The following KIRREL3 variants were observed in gnomAD, a reference collection of about 807,000 sequenced individuals.
KIRREL3 encodes kirre like nephrin family adhesion molecule 3.
KIRREL3 carries 36 observed loss-of-function variants against 89.7 expected under a neutral mutation model. That is an observed-to-expected ratio of 0.40 (90% CI 0.31 to 0.53). The LOEUF is 0.53. Ranked by LOEUF, KIRREL3 falls within the 20% of genes least tolerant of loss-of-function variation. The pLI is 0.49. For synonymous variants in KIRREL3, 445 were observed against 441.4 expected, an observed-to-expected ratio of 1.01 and a Z score of -0.10; for missense variants, 864 against 1,056.6, an observed-to-expected ratio of 0.82 and a Z score of 2.53.
intron 1 of KIRREL3, among the ~76,000 whole-genome samples, chr11:126,878,563 T>A (rs1201257415): frequency 6.6e-6 from 1 of 151,794 alleles, no homozygotes; most frequent in Non-Finnish European, 1.5e-5. Context: ...TTTAAAGCTC[T>A]CTACAAAAAA....
chr11:126,435,861 C>G (rs926191656), intron 12 of KIRREL3, among the ~76,000 whole-genome samples: 2 of 152,058 alleles, frequency 1.3e-5, no homozygotes, highest in African/African-American at 4.8e-5. Flanking sequence ...TGTCAGAGAT[C>G]GTCAGGACTG....
Position 126,564,583 on chromosome 11 carries a change from G to T in KIRREL3, c.56-1671C>A, listed in dbSNP as rs138010925. Among the ~76,000 whole-genome samples, 14 of 152,164 alleles carry T rather than the reference G, an allele frequency of 9.2e-5. No individual in the cohort carries two copies. Among genetic ancestry groups the T allele is most frequent in the African/African-American group, 2.4e-4 (10 of 41,442 alleles). On this transcript the variant is annotated intron_variant, in intron 1 of 16. Coordinates refer to ENST00000525144, the MANE Select transcript of KIRREL3 (RefSeq NM_032531.4). This position sits in a 1 kb window ranked among gnomAD's most constrained non-coding sequence, Gnocchi z 7.4. ...TGGCGTCTGAAGGCTTAGCCAAACC[G>T]CCCTCACTTCAAACGGTCTTACATC...
chr11:126,450,392 G>GT (rs1956005258), intron 7 of KIRREL3, among the ~76,000 whole-genome samples: 1 of 134,124 alleles, frequency 7.5e-6, no homozygotes, highest in Non-Finnish European at 1.6e-5. Flanking sequence ...TGTGAGTGTG[G>GT]GTATGTGTGA....
At position 126,750,800 on chromosome 11, in the gene KIRREL3, T is replaced by C. The variant is rs1285477265; in HGVS notation, c.56-187888A>G. ...AGCTAACAAATGGTAGTGCAAACGTTGGAACTCAGGTCCTCAGTGACTGAT... is the reference window on the plus strand; with the variant it reads ...AGCTAACAAATGGTAGTGCAAACGTCGGAACTCAGGTCCTCAGTGACTGAT... On this transcript the variant is annotated intron_variant, in intron 1 of 16. Transcript: ENST00000525144. The surrounding 1 kb of genome is among the most constrained non-coding windows in gnomAD (Gnocchi z 4.2). Among the ~76,000 whole-genome samples, 1 of 152,234 alleles carries C rather than the reference T, an allele frequency of 6.6e-6. No homozygotes were observed. Among genetic ancestry groups the C allele is most frequent in the Admixed American group, 6.5e-5 (1 of 15,288 alleles).
At chr11:126,444,852 C>T in intron 10 of KIRREL3, 127 bp downstream of exon 10, 1 of 1,265,738 alleles carries the variant, frequency 7.9e-7, no homozygotes, top group Non-Finnish European at 1.1e-6. Context: ...TTGTTGTCTA[C>T]CCATAGTTGG....
chr11:126,682,882 C>T lies in KIRREL3; in HGVS notation c.56-119970G>A, dbSNP rs977375820. Among the ~76,000 whole-genome samples, 15 of 152,122 alleles carry T rather than the reference C, an allele frequency of 9.9e-5. No individual in the cohort carries two copies. Among genetic ancestry groups the T allele is most frequent in the Non-Finnish European group, 1.6e-4 (11 of 68,026 alleles). On this transcript the variant is annotated intron_variant, in intron 1 of 16. Coordinates refer to ENST00000525144, the MANE Select transcript of KIRREL3 (RefSeq NM_032531.4). This position sits in a 1 kb window ranked among gnomAD's most constrained non-coding sequence, Gnocchi z 4.8. Reference sequence around the variant, plus strand: ...TACCCCGGGGCTGGGGATCCCTGTTCTATGAGGATAGAAAATCTGGTAAAG... The same window carrying T: ...TACCCCGGGGCTGGGGATCCCTGTTTTATGAGGATAGAAAATCTGGTAAAG...
At chr11:126,556,878 A>G (rs753608820) in intron 2 of KIRREL3, among the ~76,000 whole-genome samples, 30 of 152,380 alleles carry the variant, frequency 2.0e-4, no homozygotes, top group Non-Finnish European at 2.9e-4. Flanking sequence ...AATAATAAAC[A>G]GGGATATTAT....
rs950827987 is a variant in KIRREL3 at position 126,578,603 on chromosome 11, C to T, written c.56-15691G>A. ...ACAGCATGTGGGGCACGTGGGTGAG[C>T]GTGTATGCATGTACACAGGCTGTCT... On this transcript the variant is annotated intron_variant, in intron 1 of 16. Transcript: ENST00000525144. This position sits in a 1 kb window ranked among gnomAD's most constrained non-coding sequence, Gnocchi z 4.9. 5.3e-5 allele frequency among the ~76,000 whole-genome samples: 8 copies of T among 152,078 alleles called. No homozygotes were observed. Among genetic ancestry groups the T allele is most frequent in the African/African-American group, 9.7e-5 (4 of 41,400 alleles).
At chr11:126,450,397 G>A (rs1258709937) in intron 7 of KIRREL3, among the ~76,000 whole-genome samples, 2 of 151,020 alleles carry the variant, frequency 1.3e-5, no homozygotes, top group Non-Finnish European at 3.0e-5. Context: ...GTGTGGGTAT[G>A]TGTGAGTGTG....
At position 126,830,778 on chromosome 11, in the gene KIRREL3, G is replaced by A. The variant is rs73026584; in HGVS notation, c.55+169677C>T. 0.035 allele frequency among the ~76,000 whole-genome samples: 5,365 copies of A among 152,270 alleles called. 116 individuals carry two copies. Among genetic ancestry groups the A allele is most frequent in the African/African-American group, 0.057 (2,375 of 41,538 alleles). On this transcript the variant is annotated intron_variant, in intron 1 of 16. Coordinates refer to ENST00000525144, the MANE Select transcript of KIRREL3 (RefSeq NM_032531.4). The surrounding 1 kb of genome is among the most constrained non-coding windows in gnomAD (Gnocchi z 4.9). ...CAAATAGTGCACTCCCTGTGCCAAGGAGGGGTATCATTGTTTATGTCACTA... is the reference window on the plus strand; with the variant it reads ...CAAATAGTGCACTCCCTGTGCCAAGAAGGGGTATCATTGTTTATGTCACTA...
intron 1 of KIRREL3, among the ~76,000 whole-genome samples, chr11:126,869,443 A>T (rs1222770617): frequency 6.6e-6 from 1 of 152,148 alleles, no homozygotes; most frequent in Non-Finnish European, 1.5e-5. Flanking sequence ...AGTTACTGGC[A>T]CTGGAATTGC....
rs762864313 is a variant in KIRREL3, at chr11:126,906,326, C to G, written c.55+94129G>C. On this transcript the variant is annotated intron_variant, in intron 1 of 16. Transcript: ENST00000525144. The surrounding 1 kb of genome is among the most constrained non-coding windows in gnomAD (Gnocchi z 4.1). ...TGAGCCACTTTTCGTTGTTTGCTTT[C>G]TTAAAAATAAGCATTAAAAGGTAGG... Among the ~76,000 whole-genome samples, 3 of 152,148 alleles carry G rather than the reference C, an allele frequency of 2.0e-5. No individual in the cohort carries two copies. The highest frequency in any genetic ancestry group is 4.4e-5 in the Non-Finnish European group (3 of 68,032).
At chr11:126,975,881 CT>C (rs1270438309) in intron 1 of KIRREL3, among the ~76,000 whole-genome samples, 5 of 138,380 alleles carry the variant, frequency 3.6e-5, no homozygotes, top group Admixed American at 7.2e-5. Context: ...CCAGGTTTTT[CT>C]TTTCCCTCCC....
In KIRREL3 at chr11:126,445,063, G is replaced by C. The variant is rs1955738073; in HGVS notation, c.1168C>G (p.Gln390Glu). The change falls in exon 10 of 17, where the codon CAG (glutamine) becomes GAG (glutamate). Residue 390 changes from glutamine (Q) to glutamate (E), a missense_variant. Gln to Glu is a conservative substitution (Grantham distance 29). Transcript: ENST00000525144. ...EKTLTLKSVR[Q>E]EDAGKYVCRA... ...CACACGTACTTGCCCGCGTCCTCCT[G>C]GCGCACGGATTTGAGGGTCAGGGTC... The C allele has an allele frequency of 1.2e-5, 20 of 1,614,022 alleles. No homozygotes were observed. Among genetic ancestry groups the C allele is most frequent in the Non-Finnish European group, 1.7e-5 (20 of 1,179,894 alleles).
At chr11:126,659,621 T>C (rs1945303651) in intron 1 of KIRREL3, among the ~76,000 whole-genome samples, 1 of 152,210 alleles carries the variant, frequency 6.6e-6, no homozygotes, top group South Asian at 2.1e-4. Context: ...TTAAAGGTCA[T>C]GAAAAGGCGA....
In KIRREL3 at chr11:126,803,353, T is replaced by C. The variant is rs537051883; in HGVS notation, c.55+197102A>G. ...GGCATTGGAAGTAGAGGAAACCGTG[T>C]GTACAAAAGCAGCAAGGTATGAGAG... is the stretch of plus-strand genomic sequence containing the variant. On this transcript the variant is annotated intron_variant, in intron 1 of 16. Transcript: ENST00000525144. 7.9e-5 allele frequency among the ~76,000 whole-genome samples: 12 copies of C among 152,186 alleles called. No homozygotes were observed. The South Asian group carries it at 2.5e-3, about 32-fold the overall frequency.
intron 1 of KIRREL3, among the ~76,000 whole-genome samples, chr11:126,974,341 A>G (rs1413143505): frequency 6.6e-6 from 1 of 152,138 alleles, no homozygotes; most frequent in East Asian, 1.9e-4. Context: ...GTTCTGAGAA[A>G]TGCATTGTTA....
At chr11:126,543,240 G>A (rs2134500681) in intron 2 of KIRREL3, among the ~76,000 whole-genome samples, 1 of 152,298 alleles carries the variant, frequency 6.6e-6, no homozygotes, top group South Asian at 2.1e-4. Context: ...AAGTAGAGAT[G>A]TTTCAAGGAG....
At chr11:126,885,098 C>A (rs1185761930) in intron 1 of KIRREL3, among the ~76,000 whole-genome samples, 1 of 152,116 alleles carries the variant, frequency 6.6e-6, no homozygotes, top group African/African-American at 2.4e-5. Context: ...ATTTCAAAGA[C>A]CTTGCATATG....
Sources: gnomAD v4.1 joint callset for allele counts (sites outside exome capture counted in the v4.1 genomes callset) on GRCh38, gnomAD v4.1.1 for gene constraint, Gnocchi (gnomAD v3.1) non-coding constraint, MANE v1.5 for transcripts, NCBI Gene and HGNC (gene_info 2026-07-23, HGNC 2026-07-21) for gene names.